The following CEP41 variants were observed in gnomAD, a reference collection of about 807,000 sequenced individuals.
The protein encoded by CEP41 is centrosomal protein 41, also known as centrosomal protein of 41 kDa.
CEP41 carries 32 observed loss-of-function variants against 44.3 expected under a neutral mutation model. That is an observed-to-expected ratio of 0.72 (90% CI 0.54 to 0.97). The LOEUF is 0.97. Among genes scored for constraint, CEP41 ranks in the 50% least tolerant of loss-of-function variants. The pLI, the probability that CEP41 is intolerant of heterozygous loss-of-function variation, is 0.00. For synonymous variants in CEP41, 151 were observed against 168.5 expected, an observed-to-expected ratio of 0.90 and a Z score of 0.80; for missense variants, 432 against 455.2, an observed-to-expected ratio of 0.95 and a Z score of 0.46.
Position 130,403,444 on chromosome 7 carries a change from T to C in CEP41, c.423-645A>G, listed in dbSNP as rs552642155. Among the ~76,000 whole-genome samples, 182 of 152,332 alleles carry C rather than the reference T, an allele frequency of 1.2e-3. 1 individual carries two copies. Among genetic ancestry groups the C allele is most frequent in the Non-Finnish European group, 1.9e-3 (131 of 68,032 alleles). Reference sequence around the variant, plus strand: ...AGCTAACCACTACCACTAACAGTTCTAATTCTAAGGTCATTCAATCACTGA... The same window carrying C: ...AGCTAACCACTACCACTAACAGTTCCAATTCTAAGGTCATTCAATCACTGA... On this transcript the variant is annotated intron_variant, in intron 6 of 10. Transcript: ENST00000223208.
chr7:130,428,710 G>C (rs575286099), intron 1 of CEP41, among the ~76,000 whole-genome samples: 19 of 151,690 alleles, frequency 1.3e-4, no homozygotes, highest in Non-Finnish European at 2.4e-4. Context: ...TCAGGAGATA[G>C]AGACCATTCT....
chr7:130,426,056 G>A (rs1335609371), intron 2 of CEP41, among the ~76,000 whole-genome samples: 3 of 152,180 alleles, frequency 2.0e-5, no homozygotes, highest in Non-Finnish European at 2.9e-5. Flanking sequence ...TGATGGAAAC[G>A]TTCTGTATCT....
At chr7:130,435,844 T>C (rs1797945236) in intron 1 of CEP41, among the ~76,000 whole-genome samples, 2 of 152,164 alleles carry the variant, frequency 1.3e-5, no homozygotes, top group South Asian at 4.1e-4. Flanking sequence ...TGTCCTATAC[T>C]AGTTGAATGG....
At chr7:130,408,547 A>G (rs1797080007) in intron 5 of CEP41, among the ~76,000 whole-genome samples, 1 of 152,228 alleles carries the variant, frequency 6.6e-6, no homozygotes, top group African/African-American at 2.4e-5. Context: ...TTTTTCATCT[A>G]TTGAACTGGA....
In CEP41 at chr7:130,427,953, A is replaced by T; in HGVS notation, c.97+2T>A. 6.3e-7 allele frequency: 1 copy of T among 1,591,826 alleles called. No homozygotes were observed. Among genetic ancestry groups the T allele is most frequent in the Non-Finnish European group, 8.6e-7 (1 of 1,160,042 alleles). On this transcript the variant is annotated splice_donor_variant, in intron 2 of 10. Coordinates refer to ENST00000223208, the MANE Select transcript of CEP41 (RefSeq NM_018718.3). LOFTEE classifies it high-confidence loss of function. ...AATTCTAATTTTCTAATCTTTACTC[A>T]CCAGTGTCCAGTCTTGATTTGATAT...
upstream of CEP41, chr7:130,441,122 CT>C (rs1798149221): frequency 1.3e-6 from 1 of 799,484 alleles, no homozygotes; most frequent in Non-Finnish European, 2.1e-6. Flanking sequence ...CGTTTACTCT[CT>C]CATCTCAGGG....
intron 2 of CEP41, 170 bp from the exon 3 acceptor site, chr7:130,417,136 C>A: frequency 7.1e-7 from 1 of 1,412,066 alleles, no homozygotes; most frequent in East Asian, 2.5e-5. Context: ...GATAATACAG[C>A]GTTATTAAAA....
Position 130,402,786 on chromosome 7 carries a change from C to T in CEP41, c.436G>A (p.Val146Ile). The T allele has an allele frequency of 1.2e-6, 2 of 1,614,180 alleles. No individual in the cohort carries two copies. Among genetic ancestry groups the T allele is most frequent in the South Asian group, 2.2e-5 (2 of 91,082 alleles). ...RSTLQSVISG[V>I]GELDLDKGPV... ...CCTTTGTCTAGATCCAGTTCCCCAA[C>T]ACCACTGATGACACTGCAAGTGAAA... is the stretch of plus-strand genomic sequence containing the variant. Residue 146 changes from valine to isoleucine, a missense_variant, in exon 7 of 11, where the codon GTT becomes ATT. Transcript: ENST00000223208.
At chr7:130,427,914 A>G (rs1554424082) in intron 2 of CEP41, 41 bp downstream of exon 2, 4 of 1,347,054 alleles carry the variant, frequency 3.0e-6, no homozygotes, top group Admixed American at 1.7e-5. Context: ...ATAATTAGCT[A>G]TTAGATTTTT....
At chr7:130,438,774 T>C (rs1488253710) in intron 1 of CEP41, among the ~76,000 whole-genome samples, 1 of 152,036 alleles carries the variant, frequency 6.6e-6, no homozygotes, top group African/African-American at 2.4e-5. Flanking sequence ...CTCACCTATC[T>C]CTCCCACCCC....
At chr7:130,429,910 A>G (rs752549436) in intron 1 of CEP41, among the ~76,000 whole-genome samples, 15 of 152,216 alleles carry the variant, frequency 9.9e-5, no homozygotes, top group Admixed American at 2.0e-4. Flanking sequence ...ACTTATTGAT[A>G]TTCAGTCAAT....
intron 7 of CEP41, among the ~76,000 whole-genome samples, chr7:130,402,150 C>T (rs1026380411): frequency 6.6e-6 from 1 of 152,026 alleles, no homozygotes; most frequent in South Asian, 2.1e-4. Context: ...TTGAGACCAG[C>T]CCGGGCAACA....
chr7:130,399,441 G>C (rs1796774812), intron 10 of CEP41: 3 of 248,264 alleles, frequency 1.2e-5, no homozygotes, highest in African/African-American at 6.7e-5. Context: ...GCTGCAGAAG[G>C]AATCGAAAAC....
At chr7:130,425,093 A>C (rs893591440) in intron 2 of CEP41, among the ~76,000 whole-genome samples, 3 of 152,224 alleles carry the variant, frequency 2.0e-5, no homozygotes, top group Non-Finnish European at 4.4e-5. Flanking sequence ...AAACAAGCAC[A>C]TGAAAAGATG....
chr7:130,398,954 G>C lies in CEP41; in HGVS notation c.1059C>G (p.Pro353=). Residue 353 remains proline, a synonymous_variant, in exon 11 of 11, where the codon CCC becomes CCG. Transcript: ENST00000223208. The stretch of plus-strand genomic sequence containing the variant: ...GGGAGCGGGGGTTTGAGTGGCTGGC[G>C]GGGCCGCCACCTGGCAGATTCTGAG... ...RSAQNLPGGG[P]ASHSNPRSLS... 1 of 1,614,174 alleles carries C rather than the reference G, an allele frequency of 6.2e-7. No individual in the cohort carries two copies. Among genetic ancestry groups the C allele is most frequent in the Non-Finnish European group, 8.5e-7 (1 of 1,180,014 alleles).
intron 2 of CEP41, 75 bp from the exon 3 acceptor site, chr7:130,417,041 G>T: frequency 7.3e-7 from 1 of 1,371,254 alleles, no homozygotes; most frequent in Admixed American, 1.7e-5. Flanking sequence ...ACAGAATGGA[G>T]GAAAAGTATC....
intron 2 of CEP41, among the ~76,000 whole-genome samples, chr7:130,425,997 GT>G (rs1473800324): frequency 1.3e-5 from 2 of 152,232 alleles, no homozygotes; most frequent in Non-Finnish European, 2.9e-5. Flanking sequence ...AGGGGTGGGA[GT>G]AGAAAGTGGG....
chr7:130,437,145 G>A (rs1238812820), intron 1 of CEP41, among the ~76,000 whole-genome samples: 1 of 152,078 alleles, frequency 6.6e-6, no homozygotes, highest in Non-Finnish European at 1.5e-5. Flanking sequence ...GAAAGACAAA[G>A]ATGAGGGAAA....
intron 2 of CEP41, 35 bp downstream of exon 2, chr7:130,427,920 T>C (rs1797712001): frequency 7.1e-7 from 1 of 1,405,650 alleles, no homozygotes; most frequent in African/African-American, 1.4e-5. Flanking sequence ...AGCTATTAGA[T>C]TTTTTTTAAT....
Sources: gnomAD v4.1 joint callset for allele counts (sites outside exome capture counted in the v4.1 genomes callset) on GRCh38, gnomAD v4.1.1 for gene constraint, MANE v1.5 for transcripts, NCBI Gene and HGNC (gene_info 2026-07-23, HGNC 2026-07-21) for gene names.